The following GLIS3 variants were observed in gnomAD, a reference collection of about 807,000 sequenced individuals.
The protein encoded by GLIS3 is zinc finger protein GLIS3.
A neutral mutation model predicts 78.6 loss-of-function variants in GLIS3; 53 were observed. That is an observed-to-expected ratio of 0.67 (90% CI 0.54 to 0.85). The LOEUF (loss-of-function observed/expected upper bound fraction) is 0.85. Among genes scored for constraint, GLIS3 ranks in the 40% least tolerant of loss-of-function variants. The pLI is 0.00. For missense variants in GLIS3, 1,703 were observed against 1,231.1 expected, an observed-to-expected ratio of 1.38 and a Z score of -5.74; for synonymous variants, 684 against 509.9, an observed-to-expected ratio of 1.34 and a Z score of -4.60.
At chr9:4,004,544 A>G (rs943455371) in intron 4 of GLIS3, among the ~76,000 whole-genome samples, 14 of 152,190 alleles carry the variant, frequency 9.2e-5, no homozygotes, top group African/African-American at 3.4e-4. Context: ...TTGGCAAGCA[A>G]CTGGGAATGT....
chr9:4,260,425 G>C (rs1825404850), intron 2 of GLIS3, among the ~76,000 whole-genome samples: 1 of 152,090 alleles, frequency 6.6e-6, no homozygotes, highest in Non-Finnish European at 1.5e-5. Context: ...GAATTAGCTT[G>C]GCGTGGTGGC....
At chr9:3,833,480 T>G (rs7024250) in intron 9 of GLIS3, among the ~76,000 whole-genome samples, 18,526 of 152,214 alleles carry the variant, frequency 0.12, 1,284 homozygotes, top group Middle Eastern at 0.2. Context: ...ATAACACTAC[T>G]TCTCGGACCC....
intron 7 of GLIS3, among the ~76,000 whole-genome samples, chr9:3,887,134 C>T (rs2130517980): frequency 6.6e-6 from 1 of 151,902 alleles, no homozygotes; most frequent in South Asian, 2.1e-4. Flanking sequence ...CTTTTTTTTC[C>T]TTCCCACTTT....
In GLIS3 at chr9:3,883,475, T is replaced by C. The variant is rs558358173; in HGVS notation, c.2129-3880A>G. Among the ~76,000 whole-genome samples, 6 of 152,314 alleles carry C rather than the reference T, an allele frequency of 3.9e-5. No individual in the cohort carries two copies. The South Asian group carries it at 1.2e-3, about 32-fold the overall frequency. On this transcript the variant is annotated intron_variant, in intron 7 of 10. Transcript: ENST00000381971. Reference sequence around the variant, plus strand: ...AACCTCAGGAAGAAAATCTCCACCTTAGAGTAAAACTGTAATGTCATTCGC... The same window carrying C: ...AACCTCAGGAAGAAAATCTCCACCTCAGAGTAAAACTGTAATGTCATTCGC...
chr9:4,212,036 G>GT (rs1820425706), intron 2 of GLIS3, among the ~76,000 whole-genome samples: 1 of 152,214 alleles, frequency 6.6e-6, no homozygotes, highest in Admixed American at 6.5e-5. Context: ...AGGATTAACT[G>GT]TAAATGTGCA....
At chr9:4,206,737 G>C (rs1478274487) in intron 2 of GLIS3, among the ~76,000 whole-genome samples, 1 of 152,212 alleles carries the variant, frequency 6.6e-6, no homozygotes, top group South Asian at 2.1e-4. Context: ...GTAACGGTTT[G>C]AATGAAAATC....
upstream of GLIS3, among the ~76,000 whole-genome samples, chr9:4,351,659 A>C (rs150593357): frequency 3.7e-4 from 56 of 152,306 alleles, 2 homozygotes; most frequent in Admixed American, 3.1e-3. Flanking sequence ...AATGATAAGG[A>C]AAGATTTCAT....
intron 2 of GLIS3, among the ~76,000 whole-genome samples, chr9:4,320,369 G>GA (rs1817506511): frequency 6.6e-6 from 1 of 152,114 alleles, no homozygotes; most frequent in African/African-American, 2.4e-5. Flanking sequence ...AGGTGGGACT[G>GA]AAAAGGCATC....
At chr9:4,407,019 A>G in the GLIS3 span, among the ~76,000 whole-genome samples, 1 of 152,230 alleles carries the variant, frequency 6.6e-6, no homozygotes, top group Non-Finnish European at 1.5e-5. Context: ...AAACTGGAAG[A>G]ATCACATTAC....
At chr9:4,397,265 T>C in the GLIS3 span, among the ~76,000 whole-genome samples, 18,074 of 142,254 alleles carry the variant, frequency 0.13, 1,349 homozygotes, top group South Asian at 0.18. Context: ...GACCTCGTGA[T>C]CCGCCCGCCT....
intron 2 of GLIS3, among the ~76,000 whole-genome samples, chr9:4,239,224 G>A (rs1032329912): frequency 2.7e-5 from 4 of 148,336 alleles, no homozygotes; most frequent in African/African-American, 1.0e-4. Flanking sequence ...GCTAAATGAC[G>A]AGTTAATGGG....
intron 9 of GLIS3, among the ~76,000 whole-genome samples, chr9:3,854,349 G>A (rs1819620722): frequency 6.6e-6 from 1 of 152,160 alleles, no homozygotes; most frequent in South Asian, 2.1e-4. Flanking sequence ...AAATGACCAT[G>A]GGCCTGCAGA....
At chr9:3,974,376 T>C (rs1818614197) in intron 4 of GLIS3, among the ~76,000 whole-genome samples, 1 of 152,202 alleles carries the variant, frequency 6.6e-6, no homozygotes, top group Admixed American at 6.6e-5. Flanking sequence ...GTTGTGTTTC[T>C]GATCAACAGA....
At chr9:4,458,088 C>G in the GLIS3 span, among the ~76,000 whole-genome samples, 1 of 152,170 alleles carries the variant, frequency 6.6e-6, no homozygotes, top group Non-Finnish European at 1.5e-5. Flanking sequence ...CCAGGAAAAA[C>G]TGGAGACTCA....
the GLIS3 span, among the ~76,000 whole-genome samples, chr9:4,373,455 T>C: frequency 6.6e-6 from 1 of 152,238 alleles, no homozygotes; most frequent in South Asian, 2.1e-4. Context: ...TTGATCCACA[T>C]CCAGCATTGG....
the GLIS3 span, among the ~76,000 whole-genome samples, chr9:4,354,850 C>T: frequency 1.8e-3 from 279 of 152,196 alleles, 1 homozygote; most frequent in African/African-American, 6.0e-3. Context: ...GACATGGTGG[C>T]TCATGCCTGT....
At chr9:4,199,947 A>T (rs904810498) in intron 2 of GLIS3, among the ~76,000 whole-genome samples, 6 of 152,220 alleles carry the variant, frequency 3.9e-5, no homozygotes, top group Non-Finnish European at 8.8e-5. Context: ...AATCGAAATC[A>T]TACCAATCGT....
chr9:4,337,592 GGTCATTTTTTCT>G (rs775226902), intron 2 of GLIS3, among the ~76,000 whole-genome samples: 7 of 151,948 alleles, frequency 4.6e-5, no homozygotes, highest in Non-Finnish European at 8.8e-5. Flanking sequence ...GGCTCCTTCC[GGTCATTTTTTCT>G]GACATGCTGA....
intron 4 of GLIS3, among the ~76,000 whole-genome samples, chr9:4,093,038 C>T (rs914455391): frequency 1.3e-4 from 20 of 152,104 alleles, no homozygotes; most frequent in African/African-American, 4.3e-4. Flanking sequence ...TCTTATGGGG[C>T]CACTGTTGTA....
Sources: gnomAD v4.1 joint callset for allele counts (sites outside exome capture counted in the v4.1 genomes callset) on GRCh38, gnomAD v4.1.1 for gene constraint, MANE v1.5 for transcripts, NCBI Gene and HGNC (gene_info 2026-07-23, HGNC 2026-07-21) for gene names.